Variants in CUBN observed in about 807,000 individuals in gnomAD.
CUBN encodes cubilin.
Under a neutral mutation model 405.3 loss-of-function variants are expected in CUBN, and 282 were observed. The observed-to-expected ratio is 0.70, with a 90% confidence interval of 0.63 to 0.77. The LOEUF is 0.77. CUBN is among the 30% of genes least tolerant of loss of function. The pLI is 0.00. For synonymous variants in CUBN, 1,684 were observed against 1,617.0 expected (o/e 1.04, Z -0.99); for missense variants, 4,514 against 4,475.2 (o/e 1.01, Z -0.25).
intron 66 of CUBN, among the ~76,000 whole-genome samples, chr10:16,826,800 G>T (rs1282545065): frequency 4.6e-5 from 7 of 152,192 alleles, no homozygotes; most frequent in African/African-American, 1.7e-4. Flanking sequence ...GGATATACTT[G>T]TTCTTTCCAC....
At chr10:16,928,015 T>C (rs1842242514) in intron 41 of CUBN, 142 bp downstream of exon 41, 3 of 910,534 alleles carry the variant, frequency 3.3e-6, no homozygotes, top group African/African-American at 1.6e-5. Context: ...GAGCCAGCCA[T>C]CCAGAGCCTG....
chr10:16,957,319 T>G (rs950342654), intron 31 of CUBN, among the ~76,000 whole-genome samples: 1 of 152,212 alleles, frequency 6.6e-6, no homozygotes, highest in Non-Finnish European at 1.5e-5. Flanking sequence ...CTTATTTCCA[T>G]GAACATAAAG....
intron 49 of CUBN, among the ~76,000 whole-genome samples, chr10:16,906,782 T>C (rs1007779198): frequency 1.3e-5 from 2 of 152,216 alleles, no homozygotes; most frequent in Non-Finnish European, 2.9e-5. Context: ...CTTGATCTAA[T>C]AAATTATTTT....
At position 17,116,981 on chromosome 10, in the gene CUBN, G is replaced by A. The variant is rs191820533; in HGVS notation, c.594-1384C>T. ...ATGTTCCATGCAATTTACGACATCA[G>A]TATATATTTACATAAAAGCTGATTC... On this transcript the variant is annotated intron_variant, in intron 6 of 66. Coordinates refer to ENST00000377833, the MANE Select transcript of CUBN (RefSeq NM_001081.4). 3.6e-3 allele frequency among the ~76,000 whole-genome samples: 551 copies of A among 152,198 alleles called. 2 individuals carry two copies. The highest frequency in any genetic ancestry group is 5.1e-3 in the Non-Finnish European group (349 of 68,016).
rs1173928997 is a variant in CUBN at position 17,043,866 on chromosome 10, C to A, written c.3790G>T (p.Gly1264Cys). 2 of 1,613,604 alleles carry A rather than the reference C, an allele frequency of 1.2e-6. No individual in the cohort carries two copies. The highest frequency in any genetic ancestry group is 1.7e-6 in the Non-Finnish European group (2 of 1,179,706). ...SMFIKLRTDE[G>C]QQGRGFKAEY... ...GCCTTGAAGCCACGTCCTTGCTGAC[C>A]TTCATCTGTCCTCAGTTTTATAAAC... The change falls in exon 26 of 67, where the codon GGT (glycine) becomes TGT (cysteine). Residue 1264 changes from glycine (G) to cysteine (C), a missense_variant. Around this residue, in one of 5 missense-constraint regions of CUBN, gnomAD observed 242 missense variants for 309.0 expected, o/e 0.78. Coordinates refer to ENST00000377833, the MANE Select transcript of CUBN (RefSeq NM_001081.4).
chr10:17,032,040 T>C (rs1026993066), intron 27 of CUBN, among the ~76,000 whole-genome samples: 3 of 152,048 alleles, frequency 2.0e-5, no homozygotes, highest in Non-Finnish European at 4.4e-5. Context: ...GAAAACAAAA[T>C]GTGAACTCTG....
intron 59 of CUBN, among the ~76,000 whole-genome samples, chr10:16,859,976 T>C (rs184871876): frequency 6.6e-6 from 1 of 152,244 alleles, no homozygotes; most frequent in East Asian, 1.9e-4. Context: ...GATAAAAGTA[T>C]CAACTTTAAA....
At position 16,840,201 on chromosome 10, in the gene CUBN, T is replaced by C. The variant is rs542527189; in HGVS notation, c.10032+129A>G. 3.9e-6 allele frequency: 3 copies of C among 771,628 alleles called. No homozygotes were observed. In the African/African-American group the frequency reaches 5.2e-5, roughly 13 times the overall value. The allele number at this position is 771,628 out of a possible 1,614,324, so 47.8% of individuals were successfully genotyped here. The stretch of plus-strand genomic sequence containing the variant: ...AACAAACTTGCACATTGTGCGCATG[T>C]ACCCTAAAACTTAAAGTATAATTAA... On this transcript the variant is annotated intron_variant, in intron 62 of 66. Coordinates refer to ENST00000377833, the MANE Select transcript of CUBN (RefSeq NM_001081.4).
At chr10:16,992,068 A>G (rs1833605512) in intron 28 of CUBN, among the ~76,000 whole-genome samples, 1 of 152,266 alleles carries the variant, frequency 6.6e-6, no homozygotes, top group African/African-American at 2.4e-5. Flanking sequence ...GCCATAAAAA[A>G]TGATGAGTTC....
At chr10:17,085,206 G>A (rs1588632232) in intron 16 of CUBN, among the ~76,000 whole-genome samples, 1 of 152,140 alleles carries the variant, frequency 6.6e-6, no homozygotes, top group Non-Finnish European at 1.5e-5. Context: ...TGTGATGCTG[G>A]AAGCCAGCCC....
intron 28 of CUBN, among the ~76,000 whole-genome samples, chr10:16,995,605 C>T (rs867586414): frequency 4.9e-4 from 75 of 152,066 alleles, no homozygotes; most frequent in African/African-American, 1.7e-3. Context: ...GCTGGGATTA[C>T]AGGTATGAGC....
In CUBN at chr10:17,103,249, A is replaced by G. The variant is rs1225640483; in HGVS notation, c.1418-12T>C. On this transcript the variant is annotated splice_polypyrimidine_tract_variant and intron_variant, in intron 12 of 66. Transcript: ENST00000377833. ...GGACTCTCCACAAACTGCAAAGGAA[A>G]AGATGAACTGTGCTTTTCAGAGGTT... 1.3e-6 allele frequency: 2 copies of G among 1,518,748 alleles called. No individual in the cohort carries two copies. The highest frequency in any genetic ancestry group is 1.8e-6 in the Non-Finnish European group (2 of 1,093,222). 94.1% of individuals were successfully genotyped at this position (1,518,748 alleles called of 1,614,324 possible).
chr10:16,850,642 T>G (rs1309729386), intron 60 of CUBN, among the ~76,000 whole-genome samples: 1 of 152,072 alleles, frequency 6.6e-6, no homozygotes, highest in East Asian at 1.9e-4. Flanking sequence ...CGGCTAATTT[T>G]TTGTGTCTTT....
In CUBN at chr10:16,910,925, G is replaced by A. The variant is rs141829415; in HGVS notation, c.7533+2886C>T. On this transcript the variant is annotated intron_variant, in intron 48 of 66. Transcript: ENST00000377833. ...AAGAGGGTATGCCTCACCAAAAGAG[G>A]AAATTAACCAAGAAAGGGACGTGCA... Among the ~76,000 whole-genome samples the A allele has an allele frequency of 4.6e-3, 703 of 152,190 alleles. 7 individuals carry two copies. The highest frequency in any genetic ancestry group is 0.014 in the Middle Eastern group (4 of 292).
At chr10:17,082,507 A>G (rs1330401433) in intron 17 of CUBN, among the ~76,000 whole-genome samples, 1 of 152,218 alleles carries the variant, frequency 6.6e-6, no homozygotes, top group Non-Finnish European at 1.5e-5. Flanking sequence ...ATTCAGAGGT[A>G]CTGATAGTTC....
At chr10:16,965,212 T>C (rs889537497) in intron 31 of CUBN, among the ~76,000 whole-genome samples, 1 of 152,192 alleles carries the variant, frequency 6.6e-6, no homozygotes, top group Admixed American at 6.5e-5. Flanking sequence ...TACAACACCC[T>C]GAAATTTCCC....
chr10:17,013,440 G>A (rs4747293), intron 28 of CUBN, among the ~76,000 whole-genome samples: 60,241 of 151,502 alleles, frequency 0.4, 12,260 homozygotes, highest in East Asian at 0.59. Context: ...CTGACTTTCT[G>A]TCTCTTTCTT....
chr10:16,878,309 T>C (rs1840572571), intron 56 of CUBN, among the ~76,000 whole-genome samples: 1 of 152,078 alleles, frequency 6.6e-6, no homozygotes, highest in Non-Finnish European at 1.5e-5. Flanking sequence ...AACATTATAT[T>C]ATTATGAAAG....
Position 16,874,485 on chromosome 10 carries a change from T to A in CUBN, c.9125A>T (p.Asn3042Ile). Reference sequence around the variant, plus strand: ...ACTTGTGATGATTCCAGAAGAGAAATTGAACACACCACCACAGGCTGCAAC... The same window carrying A: ...ACTTGTGATGATTCCAGAAGAGAAAATGAACACACCACCACAGGCTGCAAC... ...YRIISCGGVF[N>I]FSSGIITSPA... is the part of the protein sequence containing the mutation. The change falls in exon 58 of 67, where the codon AAT becomes ATT. Residue 3042 changes from asparagine (N) to isoleucine (I), a missense_variant. Coordinates refer to ENST00000377833, the MANE Select transcript of CUBN (RefSeq NM_001081.4). 1 of 1,614,074 alleles carries A rather than the reference T, an allele frequency of 6.2e-7. No individual in the cohort carries two copies. Among genetic ancestry groups the A allele is most frequent in the Non-Finnish European group, 8.5e-7 (1 of 1,179,986 alleles).
Sources: gnomAD v4.1 joint callset for allele counts (sites outside exome capture counted in the v4.1 genomes callset) on GRCh38, gnomAD v4.1.1 for gene constraint, gnomAD v4.1.1 regional missense constraint, MANE v1.5 for transcripts, NCBI Gene and HGNC (gene_info 2026-07-23, HGNC 2026-07-21) for gene names.